Variants in CCDC102B observed in about 807,000 individuals in gnomAD.
The protein encoded by CCDC102B is coiled-coil domain containing 102B.
In CCDC102B, 75 loss-of-function variants were observed where a neutral mutation model predicts 57.4. That is an observed-to-expected ratio of 1.31 (90% CI 1.08 to 1.58). The LOEUF is 1.58. CCDC102B is among the 40% of genes most tolerant of loss of function. The probability of loss-of-function intolerance (pLI) is 0.00; values close to 1 mark genes in which losing one functional copy is unlikely to be tolerated. For missense variants in CCDC102B, 636 were observed against 582.6 expected, an observed-to-expected ratio of 1.09 and a Z score of -0.94; for synonymous variants, 206 against 201.9, an observed-to-expected ratio of 1.02 and a Z score of -0.17.
intron 2 of CCDC102B, among the ~76,000 whole-genome samples, chr18:68,757,113 C>T (rs1423480918): frequency 2.0e-5 from 3 of 152,134 alleles, no homozygotes; most frequent in Non-Finnish European, 4.4e-5. Context: ...GCCTAAGGCC[C>T]TCAATTGGAA....
chr18:68,978,593 A>G (rs940244199), intron 6 of CCDC102B, among the ~76,000 whole-genome samples: 1 of 152,044 alleles, frequency 6.6e-6, no homozygotes, highest in Non-Finnish European at 1.5e-5. Flanking sequence ...AATCGTAAAC[A>G]TAAATATTTC....
At chr18:68,950,443 A>C (rs1451247460) in intron 6 of CCDC102B, among the ~76,000 whole-genome samples, 1 of 152,158 alleles carries the variant, frequency 6.6e-6, no homozygotes, top group Non-Finnish European at 1.5e-5. Context: ...AATAGTAAAA[A>C]ATGAAAATTG....
intron 6 of CCDC102B, among the ~76,000 whole-genome samples, chr18:68,963,257 C>T (rs1410562211): frequency 1.3e-5 from 2 of 151,618 alleles, no homozygotes; most frequent in Non-Finnish European, 2.9e-5. Flanking sequence ...GTTTTATGTC[C>T]GAATAAAAAT....
intron 2 of CCDC102B, among the ~76,000 whole-genome samples, chr18:68,755,290 A>G (rs533798107): frequency 8.5e-4 from 130 of 152,238 alleles, no homozygotes; most frequent in Middle Eastern, 3.4e-3. Flanking sequence ...GGTTTGCATG[A>G]GGATCTAATT....
chr18:68,883,037 A>T (rs2039748685), intron 5 of CCDC102B, among the ~76,000 whole-genome samples: 1 of 152,170 alleles, frequency 6.6e-6, no homozygotes, highest in African/African-American at 2.4e-5. Flanking sequence ...TAGGCTTAAT[A>T]CCTGAGTGAT....
Position 68,911,751 on chromosome 18 carries a change from C to CAAAAAAA in CCDC102B, c.1263+14341_1263+14347dup, listed in dbSNP as rs74175338. Among the ~76,000 whole-genome samples, 162 of 17,992 alleles carry CAAAAAAA rather than the reference C, an allele frequency of 9.0e-3. 18 individuals are homozygous for CAAAAAAA. The highest frequency in any genetic ancestry group is 0.028 in the African/African-American group (150 of 5,338). 11.8% of individuals were successfully genotyped at this position (17,992 alleles called of 152,430 possible). A position where few individuals can be genotyped will look rare whatever the true frequency, so the allele number is the denominator to read the frequency against. On this transcript the variant is annotated intron_variant, in intron 6 of 7. Transcript: ENST00000360242. ...TGGGCGACAGAGCGAGACTCCGTCTCAAAAAAAAAAAAAAAAAAAAAAAAG... is the reference window on the plus strand; with the variant it reads ...TGGGCGACAGAGCGAGACTCCGTCTCAAAAAAAAAAAAAAAAAAAAAAAAAAAAAAAG...
At chr18:69,056,632 AG>A (rs1284184111), downstream of CCDC102B, among the ~76,000 whole-genome samples, 5 of 100,566 alleles carry the variant, frequency 5.0e-5, no homozygotes, top group African/African-American at 1.6e-4. Context: ...TTAGATAGAT[AG>A]ATAATAGATA....
At chr18:68,947,538 T>C (rs1476095730) in intron 6 of CCDC102B, among the ~76,000 whole-genome samples, 5 of 152,126 alleles carry the variant, frequency 3.3e-5, no homozygotes, top group Non-Finnish European at 5.9e-5. Flanking sequence ...CTCTAATTTT[T>C]ATGCTGTATG....
intron 6 of CCDC102B, among the ~76,000 whole-genome samples, chr18:68,976,519 C>G (rs2050441922): frequency 6.6e-6 from 1 of 151,816 alleles, no homozygotes; most frequent in African/African-American, 2.4e-5. Flanking sequence ...TGCACATCCC[C>G]GATTATTACT....
chr18:68,821,218 T>G (rs1301926895), intron 1 of CCDC102B, among the ~76,000 whole-genome samples: 3 of 152,046 alleles, frequency 2.0e-5, no homozygotes, highest in African/African-American at 7.2e-5. Flanking sequence ...TAAAAATAAA[T>G]TAGCCTCACT....
At chr18:68,723,455 C>T (rs1175097074) in intron 2 of CCDC102B, among the ~76,000 whole-genome samples, 1 of 152,188 alleles carries the variant, frequency 6.6e-6, no homozygotes, top group Non-Finnish European at 1.5e-5. Flanking sequence ...GTCCCTTCCA[C>T]CTATCAGCCT....
intron 1 of CCDC102B, among the ~76,000 whole-genome samples, chr18:68,832,858 C>G (rs986186929): frequency 6.6e-6 from 1 of 151,888 alleles, no homozygotes; most frequent in African/African-American, 2.4e-5. Flanking sequence ...AAGGAATGGA[C>G]ACATCCAGGT....
At chr18:68,752,858 C>T (rs141663148) in intron 2 of CCDC102B, among the ~76,000 whole-genome samples, 22 of 152,160 alleles carry the variant, frequency 1.4e-4, no homozygotes, top group Admixed American at 1.4e-3. Flanking sequence ...TATTACTCAA[C>T]CTTCTTGATA....
At chr18:68,763,764 GACAAATATTCCTC>G (rs2034332769) in intron 2 of CCDC102B, among the ~76,000 whole-genome samples, 1 of 141,526 alleles carries the variant, frequency 7.1e-6, no homozygotes, top group Non-Finnish European at 1.5e-5. Flanking sequence ...CCTCAATACA[GACAAATATTCCTC>G]AATACAGCAG....
chr18:68,750,978 CA>C (rs926664275), intron 2 of CCDC102B, among the ~76,000 whole-genome samples: 1 of 150,516 alleles, frequency 6.6e-6, no homozygotes, highest in Non-Finnish European at 1.5e-5. Context: ...AACAAAGAAA[CA>C]AAAAAAACTC....
chr18:68,789,264 T>G (rs1169184849), intron 2 of CCDC102B, among the ~76,000 whole-genome samples: 5 of 152,186 alleles, frequency 3.3e-5, no homozygotes, highest in South Asian at 4.1e-4. Context: ...CCCTTAACAT[T>G]TTTTCCTTCA....
chr18:68,718,825 C>A (rs1203088732), intron 2 of CCDC102B, among the ~76,000 whole-genome samples: 1 of 152,136 alleles, frequency 6.6e-6, no homozygotes, highest in African/African-American at 2.4e-5. Context: ...TTCTGTCCTG[C>A]ATGTCTCATT....
At chr18:68,888,488 A>C (rs899354234) in intron 5 of CCDC102B, among the ~76,000 whole-genome samples, 1 of 152,188 alleles carries the variant, frequency 6.6e-6, no homozygotes, top group African/African-American at 2.4e-5. Flanking sequence ...CGCTATTGAC[A>C]TGTTGTGGGG....
At chr18:68,923,466 A>G (rs995541297) in intron 6 of CCDC102B, among the ~76,000 whole-genome samples, 7 of 152,048 alleles carry the variant, frequency 4.6e-5, no homozygotes, top group African/African-American at 1.7e-4. Context: ...TAATACTAAA[A>G]TAACTGCCAC....
Sources: gnomAD v4.1 joint callset for allele counts (sites outside exome capture counted in the v4.1 genomes callset) on GRCh38, gnomAD v4.1.1 for gene constraint, MANE v1.5 for transcripts, NCBI Gene and HGNC (gene_info 2026-07-23, HGNC 2026-07-21) for gene names.